The following WDHD1 variants were observed in gnomAD, a reference collection of about 807,000 sequenced individuals.
WDHD1 encodes WD repeat and HMG-box DNA-binding protein 1.
In WDHD1, 111 loss-of-function variants were observed where a neutral mutation model predicts 135.4. That is an observed-to-expected ratio of 0.82 (90% CI 0.70 to 0.96). The LOEUF is 0.96. Among genes scored for constraint, WDHD1 ranks in the 40% least tolerant of loss-of-function variants. The probability of loss-of-function intolerance (pLI) is 0.00; values close to 1 mark genes in which losing one functional copy is unlikely to be tolerated. For missense variants in WDHD1, 1,351 were observed against 1,336.3 expected (o/e 1.01, Z -0.17); for synonymous variants, 434 against 439.0 (o/e 0.99, Z 0.14).
At chr14:54,948,386 G>A (rs776616159) in intron 24 of WDHD1, among the ~76,000 whole-genome samples, 18 of 152,124 alleles carry the variant, frequency 1.2e-4, no homozygotes, top group South Asian at 2.1e-4. Context: ...CTTAGCAAAC[G>A]GCACACCAGG....
intron 2 of WDHD1, among the ~76,000 whole-genome samples, chr14:55,017,176 C>T (rs1023322540): frequency 6.6e-6 from 1 of 152,114 alleles, no homozygotes; most frequent in Non-Finnish European, 1.5e-5. Context: ...TTAATTTTTA[C>T]AGTAATACAA....
chr14:55,004,806 G>A (rs2042036796), intron 7 of WDHD1: 2 of 460,988 alleles, frequency 4.3e-6, no homozygotes, highest in Admixed American at 2.4e-5. Context: ...GCCTGTGCAA[G>A]AACAGCTTAA....
chr14:55,022,153 G>A (rs1314507005), intron 2 of WDHD1, among the ~76,000 whole-genome samples: 2 of 152,170 alleles, frequency 1.3e-5, no homozygotes, highest in Non-Finnish European at 2.9e-5. Flanking sequence ...GAATTTTAAA[G>A]GCAGTCCCTT....
intron 24 of WDHD1, among the ~76,000 whole-genome samples, chr14:54,949,453 A>G (rs2041000339): frequency 6.6e-6 from 1 of 152,188 alleles, no homozygotes; most frequent in Non-Finnish European, 1.5e-5. Context: ...GTTTAGAGAA[A>G]AAAGAGTAAA....
chr14:54,955,559 A>C lies in WDHD1; in HGVS notation c.3050+2T>G. ...GCATGCTAAATTTCTCTATGTACTG[A>C]CCTTTGGTTTTCAGTGTTTTGAGGA... On this transcript the variant is annotated splice_donor_variant, in intron 24 of 25. Coordinates refer to ENST00000360586, the MANE Select transcript of WDHD1 (RefSeq NM_007086.4). LOFTEE classifies it high-confidence loss of function. The C allele has an allele frequency of 6.4e-7, 1 of 1,561,492 alleles. No homozygotes were observed. Among genetic ancestry groups the C allele is most frequent in the Non-Finnish European group, 8.6e-7 (1 of 1,162,120 alleles).
rs752122303 is a variant in WDHD1, at chr14:54,987,268, G to C, written c.1646C>G (p.Thr549Ser). The C allele has an allele frequency of 1.8e-5, 29 of 1,613,970 alleles. No homozygotes were observed. Among genetic ancestry groups the C allele is most frequent in the Non-Finnish European group, 2.4e-5 (28 of 1,180,034 alleles). ...AAACAATCGAAGAAGCAGGGCACTA[G>C]TAGCGGCAGCAGCCCATCCTTGACC... is the stretch of plus-strand genomic sequence containing the variant. ...CLGQGWAAAA[T>S]SALLLRLFTI... Residue 549 changes from threonine to serine, a missense_variant, in exon 14 of 26, where the codon ACT becomes AGT. Coordinates refer to ENST00000360586, the MANE Select transcript of WDHD1 (RefSeq NM_007086.4).
chr14:54,960,460 G>A (rs544224895), intron 21 of WDHD1, among the ~76,000 whole-genome samples: 13 of 151,756 alleles, frequency 8.6e-5, no homozygotes, highest in Non-Finnish European at 1.6e-4. Context: ...GAGCCACCAC[G>A]CCCAGCTTGT....
chr14:55,007,778 C>T lies in WDHD1; in HGVS notation c.505-403G>A, dbSNP rs559489313. 9.7e-4 allele frequency among the ~76,000 whole-genome samples: 147 copies of T among 152,308 alleles called. 1 individual carries two copies. Among genetic ancestry groups the T allele is most frequent in the Non-Finnish European group, 1.4e-3 (97 of 68,028 alleles). On this transcript the variant is annotated intron_variant, in intron 6 of 25. Transcript: ENST00000360586. The stretch of plus-strand genomic sequence containing the variant: ...AGGGAAGGAACTGTGGATATTAAGG[C>T]ATATTTGTGGAGGATATTTCTCTAG...
Position 54,963,085 on chromosome 14 carries a change from C to A in WDHD1, c.2398G>T (p.Ala800Ser). 6.3e-7 allele frequency: 1 copy of A among 1,580,018 alleles called. No individual in the cohort carries two copies. The highest frequency in any genetic ancestry group is 8.6e-7 in the Non-Finnish European group (1 of 1,162,176). Residue 800 changes from alanine (A) to serine (S), a missense_variant, in exon 19 of 26, where the codon GCT becomes TCT. Ala to Ser is a moderately conservative substitution (Grantham distance 99). Coordinates refer to ENST00000360586, the MANE Select transcript of WDHD1 (RefSeq NM_007086.4). Reference protein sequence around the residue: ...QNAVNLAIKYASRSRKLILAQ... With the variant: ...QNAVNLAIKYSSRSRKLILAQ... Reference sequence around the variant, plus strand: ...AGTATTAATTTCCGAGAGCGAGAAGCATATTTAATGGCTAAATTCACAGCA... The same window carrying A: ...AGTATTAATTTCCGAGAGCGAGAAGAATATTTAATGGCTAAATTCACAGCA...
rs754021561 is a variant in WDHD1 at position 55,000,866 on chromosome 14, AAAG to A, written c.800+17_800+19del. The A allele has an allele frequency of 1.3e-5, 20 of 1,488,284 alleles. No individual in the cohort carries two copies. In the Admixed American group the frequency reaches 4.4e-4, roughly 33 times the overall value. The allele number at this position is 1,488,284 out of a possible 1,614,324, so 92.2% of individuals were successfully genotyped here. On this transcript the variant is annotated intron_variant, in intron 9 of 25. Transcript: ENST00000360586. The stretch of plus-strand genomic sequence containing the variant: ...AATAGAGATGAGCAAAGAAGAGACA[AAAG>A]ATACACTAAATCATACCTTTCCATG...
In WDHD1 at chr14:55,013,473, T is replaced by A. The variant is rs755506785; in HGVS notation, c.189+12A>T. 87 of 1,578,982 alleles carry A rather than the reference T, an allele frequency of 5.5e-5. No homozygotes were observed. Among genetic ancestry groups the A allele is most frequent in the Non-Finnish European group, 7.5e-5 (86 of 1,148,266 alleles). ...ATCATTTCATATCAATTGATATAAC[T>A]GTTTTTACTACCTTCAAAGCACATG... On this transcript the variant is annotated intron_variant, in intron 3 of 25. Coordinates refer to ENST00000360586, the MANE Select transcript of WDHD1 (RefSeq NM_007086.4).
intron 15 of WDHD1, 73 bp downstream of exon 15, chr14:54,984,650 G>A: frequency 8.1e-7 from 1 of 1,232,688 alleles, no homozygotes; most frequent in Non-Finnish European, 1.1e-6. Flanking sequence ...ATAAAACAAT[G>A]AAATAATTTT....
At position 55,010,296 on chromosome 14, in the gene WDHD1, C is replaced by A; in HGVS notation, c.341+13G>T. On this transcript the variant is annotated intron_variant, in intron 4 of 25. Transcript: ENST00000360586. The stretch of plus-strand genomic sequence containing the variant: ...CTAACATTATTTCCTTTTCTGATGT[C>A]AAAGAGCCTTACCTAGATCCAGCAG... The A allele has an allele frequency of 6.4e-7, 1 of 1,573,090 alleles. No homozygotes were observed. Among genetic ancestry groups the A allele is most frequent in the South Asian group, 1.2e-5 (1 of 84,286 alleles).
At chr14:55,019,548 T>C (rs1021735766) in intron 2 of WDHD1, among the ~76,000 whole-genome samples, 1 of 152,178 alleles carries the variant, frequency 6.6e-6, no homozygotes, top group Non-Finnish European at 1.5e-5. Context: ...ATTTTAGTTA[T>C]AAGATGTATG....
chr14:54,971,371 G>GT (rs1336354115), intron 16 of WDHD1, among the ~76,000 whole-genome samples: 3 of 152,226 alleles, frequency 2.0e-5, no homozygotes, highest in Admixed American at 6.5e-5. Flanking sequence ...GAGCCCAGGA[G>GT]TTTGAGACCA....
At chr14:54,954,280 C>T (rs1034176041) in intron 24 of WDHD1, among the ~76,000 whole-genome samples, 2 of 151,980 alleles carry the variant, frequency 1.3e-5, no homozygotes, top group African/African-American at 4.8e-5. Context: ...GAGCGAAACT[C>T]CGTCTCAGAA....
intron 24 of WDHD1, among the ~76,000 whole-genome samples, chr14:54,947,226 C>T (rs916346677): frequency 7.2e-5 from 11 of 152,084 alleles, no homozygotes; most frequent in African/African-American, 2.7e-4. Flanking sequence ...GTAATCACAG[C>T]TACTCAGGAG....
chr14:54,979,975 A>G (rs531557888), intron 16 of WDHD1, among the ~76,000 whole-genome samples: 91 of 152,320 alleles, frequency 6.0e-4, no homozygotes, highest in African/African-American at 2.1e-3. Flanking sequence ...CTTTGTCAAG[A>G]TATGATTCAC....
intron 2 of WDHD1, among the ~76,000 whole-genome samples, chr14:55,013,880 C>T (rs1208182477): frequency 6.6e-6 from 1 of 152,004 alleles, no homozygotes; most frequent in Non-Finnish European, 1.5e-5. Flanking sequence ...GCACTCCAGC[C>T]TGGGCAACAG....
Sources: gnomAD v4.1 joint callset for allele counts (sites outside exome capture counted in the v4.1 genomes callset) on GRCh38, gnomAD v4.1.1 for gene constraint, MANE v1.5 for transcripts, NCBI Gene and HGNC (gene_info 2026-07-23, HGNC 2026-07-21) for gene names.